Variants in HSF2 observed in about 807,000 individuals in gnomAD.
The protein encoded by HSF2 is heat shock transcription factor 2.
HSF2 carries 21 observed loss-of-function variants against 65.0 expected under a neutral mutation model. That is an observed-to-expected ratio of 0.32 (90% CI 0.23 to 0.47). The LOEUF is 0.47. HSF2 is among the 20% of genes least tolerant of loss of function. The pLI, the probability that HSF2 is intolerant of heterozygous loss-of-function variation, is 1.00. For synonymous variants in HSF2, 225 were observed against 219.1 expected (o/e 1.03, Z -0.24); for missense variants, 499 against 628.1 (o/e 0.79, Z 2.20).
At chr6:122,430,801 A>G (rs1199266815) in intron 11 of HSF2, among the ~76,000 whole-genome samples, 1 of 152,176 alleles carries the variant, frequency 6.6e-6, no homozygotes, top group Non-Finnish European at 1.5e-5. Flanking sequence ...TGGTAAAGAT[A>G]TAATTTCCCT....
rs187119348 is a variant in HSF2, at chr6:122,420,320, A to G, written c.681+98A>G. The G allele has an allele frequency of 1.7e-3, 1,380 of 814,990 alleles. 15 individuals carry two copies. Among genetic ancestry groups the G allele is most frequent in the Non-Finnish European group, 6.3e-4 (346 of 546,522 alleles). 50.5% of individuals were successfully genotyped at this position (814,990 alleles called of 1,614,324 possible). ...ATTCAAAGAAGTGTGGTGAATAACA[A>G]TTCAAGTGTTCATCCCACAGCTTTG... On this transcript the variant is annotated intron_variant, in intron 7 of 12. Transcript: ENST00000368455.
intron 11 of HSF2, among the ~76,000 whole-genome samples, chr6:122,429,604 TG>T (rs1774416861): frequency 6.6e-6 from 1 of 151,954 alleles, no homozygotes; most frequent in Admixed American, 6.6e-5. Context: ...AGAATTTGCA[TG>T]GGAAATGAAA....
chr6:122,412,069 A>G (rs554901544), intron 1 of HSF2, among the ~76,000 whole-genome samples: 11 of 151,906 alleles, frequency 7.2e-5, no homozygotes, highest in African/African-American at 2.7e-4. Flanking sequence ...TGTCTACATA[A>G]TTGTATTTCA....
chr6:122,399,692 C>T lies in HSF2; in HGVS notation c.-46C>T, dbSNP rs768565495. On this transcript the variant is annotated 5_prime_UTR_variant, in exon 1 of 13. Coordinates refer to ENST00000368455, the MANE Select transcript of HSF2 (RefSeq NM_004506.4). ...CTGCCGTAGCTGCCGCCGCCGCTAC[C>T]ACCGCGTTCGGGTGTAGAATTTGGA... The T allele has an allele frequency of 6.5e-7, 1 of 1,538,800 alleles. No individual in the cohort carries two copies. The highest frequency in any genetic ancestry group is 8.9e-7 in the Non-Finnish European group (1 of 1,119,924).
At chr6:122,423,078 G>C in intron 9 of HSF2, 121 bp downstream of exon 9, 1 of 1,078,574 alleles carries the variant, frequency 9.3e-7, no homozygotes, top group South Asian at 1.5e-5. Flanking sequence ...ACCTTTCTCT[G>C]TTTTGGTCAG....
chr6:122,429,091 C>G (rs777694328), intron 11 of HSF2, among the ~76,000 whole-genome samples: 2 of 152,010 alleles, frequency 1.3e-5, no homozygotes, highest in Non-Finnish European at 2.9e-5. Flanking sequence ...CATTTACAGA[C>G]AGGCAGCATG....
intron 10 of HSF2, among the ~76,000 whole-genome samples, chr6:122,427,195 T>A (rs189512925): frequency 5.9e-4 from 89 of 152,102 alleles, no homozygotes; most frequent in Non-Finnish European, 1.0e-3. Flanking sequence ...ATGTTGGTCT[T>A]ACCTTGTCCT....
At chr6:122,419,251 T>C (rs2114443449) in intron 6 of HSF2, 22 bp downstream of exon 6, 3 of 1,259,240 alleles carry the variant, frequency 2.4e-6, no homozygotes, top group East Asian at 4.7e-5. Flanking sequence ...TGATAAAGTA[T>C]TATGTCCTGT....
intron 4 of HSF2, among the ~76,000 whole-genome samples, chr6:122,414,669 C>T (rs1455276053): frequency 9.2e-5 from 14 of 152,140 alleles, no homozygotes; most frequent in Non-Finnish European, 1.9e-4. Context: ...CTCTGTTACC[C>T]AGTCTGGAGT....
chr6:122,429,357 C>T (rs895002081), intron 11 of HSF2, among the ~76,000 whole-genome samples: 4 of 151,984 alleles, frequency 2.6e-5, no homozygotes, highest in Non-Finnish European at 5.9e-5. Flanking sequence ...AAACTATAAG[C>T]AGTTAAGCAA....
intron 1 of HSF2, 22 bp downstream of exon 1, chr6:122,399,852 C>T (rs1773677039): frequency 2.5e-6 from 4 of 1,572,510 alleles, no homozygotes; most frequent in Admixed American, 1.7e-5. Flanking sequence ...CCACGGCGGC[C>T]TCTGAACCCC....
intron 5 of HSF2, among the ~76,000 whole-genome samples, chr6:122,416,723 C>A (rs1388652420): frequency 6.6e-6 from 1 of 151,984 alleles, no homozygotes; most frequent in African/African-American, 2.4e-5. Flanking sequence ...ATCAGTTGAC[C>A]AAATTATGAG....
chr6:122,403,574 G>A (rs961881022), intron 1 of HSF2, among the ~76,000 whole-genome samples: 1 of 152,094 alleles, frequency 6.6e-6, no homozygotes, highest in Non-Finnish European at 1.5e-5. Flanking sequence ...ACTACTGCAA[G>A]CCAGCCTGAA....
At chr6:122,403,908 A>G (rs796439476) in intron 1 of HSF2, among the ~76,000 whole-genome samples, 26 of 152,208 alleles carry the variant, frequency 1.7e-4, no homozygotes, top group African/African-American at 6.3e-4. Context: ...GTAGAGGTTA[A>G]ATGAAGTTAT....
At chr6:122,400,204 CAG>C (rs1452606673) in intron 1 of HSF2, among the ~76,000 whole-genome samples, 2 of 152,144 alleles carry the variant, frequency 1.3e-5, no homozygotes, top group African/African-American at 4.8e-5. Flanking sequence ...CCGCCCGGCT[CAG>C]GGGTTACAAA....
intron 1 of HSF2, 46 bp from the exon 2 acceptor site, chr6:122,412,327 A>G (rs746191509): frequency 9.0e-7 from 1 of 1,113,894 alleles, no homozygotes; most frequent in Non-Finnish European, 1.4e-6. Flanking sequence ...CATGTGTCAT[A>G]GGAACTTAAC....
At chr6:122,431,849 C>G in intron 12 of HSF2, 76 bp from the exon 13 acceptor site, 1 of 1,306,980 alleles carries the variant, frequency 7.7e-7, no homozygotes, top group Non-Finnish European at 1.1e-6. Flanking sequence ...GTGTACATCT[C>G]TGTTTTCATT....
intron 11 of HSF2, among the ~76,000 whole-genome samples, chr6:122,429,591 A>G (rs113376166): frequency 2.0e-5 from 3 of 152,110 alleles, no homozygotes; most frequent in African/African-American, 4.8e-5. Context: ...CTATGAATGA[A>G]TAAGAATTTG....
chr6:122,424,229 T>C (rs909639021), intron 10 of HSF2, among the ~76,000 whole-genome samples: 5 of 152,104 alleles, frequency 3.3e-5, no homozygotes, highest in African/African-American at 4.8e-5. Flanking sequence ...AGAATTCTTA[T>C]CTACCGTTTC....
Sources: gnomAD v4.1 joint callset for allele counts (sites outside exome capture counted in the v4.1 genomes callset) on GRCh38, gnomAD v4.1.1 for gene constraint, MANE v1.5 for transcripts, NCBI Gene and HGNC (gene_info 2026-07-23, HGNC 2026-07-21) for gene names.